NLRP8: variants seen among roughly 807,000 people sequenced by gnomAD.
The protein encoded by NLRP8 is NACHT, LRR and PYD domains-containing protein 8.
NLRP8 carries 86 observed loss-of-function variants against 88.7 expected under a neutral mutation model. The ratio of observed to expected loss-of-function variants is 0.97; its 90% confidence interval spans 0.81 to 1.16. The LOEUF (loss-of-function observed/expected upper bound fraction) is 1.16, where lower values mean the gene tolerates loss of function less well. NLRP8 is among the 50% of genes most tolerant of loss of function. The pLI, the probability that NLRP8 is intolerant of heterozygous loss-of-function variation, is 0.00. For synonymous variants in NLRP8, 504 were observed against 494.6 expected, an observed-to-expected ratio of 1.02 and a Z score of -0.25; for missense variants, 1,342 against 1,286.5, an observed-to-expected ratio of 1.04 and a Z score of -0.66.
chr19:55,966,771 G>A (rs888605556), intron 5 of NLRP8, among the ~76,000 whole-genome samples: 4 of 152,050 alleles, frequency 2.6e-5, no homozygotes, highest in African/African-American at 9.7e-5. Flanking sequence ...AGCCAAGATC[G>A]TGCCATTGCA....
rs746956539 is a variant in NLRP8, at chr19:55,966,387, T to C, written c.2381+7T>C. ...GCCGTCTGCAGTGTCTCAGGTGAGA[T>C]TTGAGAGGGGGGTTAGAGTGGGAAC... is the stretch of plus-strand genomic sequence containing the variant. On this transcript the variant is annotated splice_region_variant and intron_variant, in intron 5 of 9. Transcript: ENST00000291971. 4 of 1,612,426 alleles carry C rather than the reference T, an allele frequency of 2.5e-6. No individual in the cohort carries two copies. The highest frequency in any genetic ancestry group is 3.4e-6 in the Non-Finnish European group (4 of 1,179,008).
At chr19:55,974,307 C>G (rs185208977) in intron 7 of NLRP8, among the ~76,000 whole-genome samples, 11 of 151,830 alleles carry the variant, frequency 7.2e-5, no homozygotes, top group Admixed American at 3.3e-4. Flanking sequence ...GAATATTTAT[C>G]AGAGGCTTGG....
At chr19:55,954,088 C>A (rs1013932669) in intron 2 of NLRP8, among the ~76,000 whole-genome samples, 8 of 152,080 alleles carry the variant, frequency 5.3e-5, no homozygotes, top group Non-Finnish European at 1.0e-4. Context: ...CAGGTACAAG[C>A]CGCCACACCC....
chr19:55,954,466 T>G, intron 2 of NLRP8, 35 bp from the exon 3 acceptor site: 1 of 1,595,918 alleles, frequency 6.3e-7, no homozygotes, highest in South Asian at 1.1e-5. Flanking sequence ...CACTCTGATG[T>G]CATACCCTTT....
In NLRP8 at chr19:55,955,924, A is replaced by G. The variant is rs1223510235; in HGVS notation, c.1866A>G (p.Val622=). ...ATGAAATCCGGGAGGAAGCCTTTGT[A>G]AGCCAAGCCCTAAATGATTATCATA... Residue 622 remains valine (V), a synonymous_variant, in exon 3 of 10, where the codon GTA becomes GTG. Coordinates refer to ENST00000291971, the MANE Select transcript of NLRP8 (RefSeq NM_176811.2). 1.2e-6 allele frequency: 2 copies of G among 1,614,182 alleles called. No homozygotes were observed. Among genetic ancestry groups the G allele is most frequent in the Non-Finnish European group, 8.5e-7 (1 of 1,180,030 alleles).
At position 55,970,658 on chromosome 19, in the gene NLRP8, G is replaced by A. The variant is rs377079240; in HGVS notation, c.2496G>A (p.Gly832=). ...GAAAAAACTCCCTGGAGAACTGTGG[G>A]GCGTATTACCTGTCTGTGGCCCAGC... The change falls in exon 6 of 10, where the codon GGG becomes GGA. Residue 832 remains glycine, a synonymous_variant. Transcript: ENST00000291971. The A allele has an allele frequency of 1.4e-4, 220 of 1,613,944 alleles. No individual in the cohort carries two copies. Among genetic ancestry groups the A allele is most frequent in the Non-Finnish European group, 1.8e-4 (209 of 1,180,012 alleles).
At chr19:55,958,420 C>T (rs772863271) in intron 3 of NLRP8, among the ~76,000 whole-genome samples, 13 of 152,192 alleles carry the variant, frequency 8.5e-5, no homozygotes, top group South Asian at 6.2e-4. Flanking sequence ...TTCCATTCTT[C>T]ACCATGACAA....
At chr19:55,974,330 A>G (rs1161568565) in intron 7 of NLRP8, among the ~76,000 whole-genome samples, 4 of 147,766 alleles carry the variant, frequency 2.7e-5, no homozygotes, top group Non-Finnish European at 4.5e-5. Context: ...TGCTTCTGTG[A>G]CTCTTGGTTG....
intron 3 of NLRP8, 90 bp downstream of exon 3, chr19:55,956,190 C>T (rs1053554477): frequency 7.9e-7 from 1 of 1,272,174 alleles, no homozygotes; most frequent in African/African-American, 1.5e-5. Context: ...AATCTGCAAA[C>T]CTTTCTGATC....
chr19:55,956,021 T>C lies in NLRP8; in HGVS notation c.1963T>C (p.Leu655=), dbSNP rs1979341895. The C allele has an allele frequency of 1.2e-6, 2 of 1,614,052 alleles. No individual in the cohort carries two copies. Among genetic ancestry groups the C allele is most frequent in the Non-Finnish European group, 1.7e-6 (2 of 1,180,032 alleles). ...TTTTTGCCTGAAGCGGTGTCAATAT[T>C]TGCATGAGGTGGAACTGACCGTCAC... Residue 655 remains leucine, a synonymous_variant, in exon 3 of 10, where the codon TTG becomes CTG. Coordinates refer to ENST00000291971, the MANE Select transcript of NLRP8 (RefSeq NM_176811.2).
chr19:55,986,463 CTCTCTCACAT>C (rs879297074), intron 9 of NLRP8, among the ~76,000 whole-genome samples: 3,406 of 52,118 alleles, frequency 0.065, 71 homozygotes, highest in Non-Finnish European at 0.085. Context: ...CACACACACA[CTCTCTCACAT>C]ACACACACAC....
In NLRP8 at chr19:55,954,961, C is replaced by T. The variant is rs774857045; in HGVS notation, c.903C>T (p.Asp301=). Residue 301 remains aspartate, a synonymous_variant, in exon 3 of 10, where the codon GAC becomes GAT. Coordinates refer to ENST00000291971, the MANE Select transcript of NLRP8 (RefSeq NM_176811.2). ...CTACCCTCATTGACAGACTGGAGGA[C>T]CTGAGTGAAGACTGGAGGCAGAAAT... 6.2e-7 allele frequency: 1 copy of T among 1,614,004 alleles called. No individual in the cohort carries two copies. Among genetic ancestry groups the T allele is most frequent in the Admixed American group, 1.7e-5 (1 of 59,990 alleles).
chr19:55,981,784 T>C (rs1055156353), intron 9 of NLRP8, among the ~76,000 whole-genome samples: 7 of 152,230 alleles, frequency 4.6e-5, no homozygotes, highest in South Asian at 2.1e-4. Flanking sequence ...TTAAATTAGT[T>C]ATGGCAGCAT....
intron 4 of NLRP8, among the ~76,000 whole-genome samples, chr19:55,965,113 C>G (rs1419753518): frequency 6.6e-6 from 1 of 151,776 alleles, no homozygotes; most frequent in Non-Finnish European, 1.5e-5. Flanking sequence ...TAGTGAGACC[C>G]CATATCTACA....
chr19:55,980,365 AG>A (rs1291557366), intron 9 of NLRP8, among the ~76,000 whole-genome samples: 1 of 152,166 alleles, frequency 6.6e-6, no homozygotes, highest in Non-Finnish European at 1.5e-5. Context: ...CTGGTGTATG[AG>A]TTGTCTATTG....
At position 55,976,348 on chromosome 19, in the gene NLRP8, T is replaced by C. The variant is rs777310909; in HGVS notation, c.2876+45T>C. On this transcript the variant is annotated intron_variant, in intron 8 of 9. Transcript: ENST00000291971. ...CTCCTGTGAGACCAGGAGAATTGTA[T>C]ATAAGCGTCTCTCAGGATGGAATAT... 3 of 1,478,080 alleles carry C rather than the reference T, an allele frequency of 2.0e-6. No individual in the cohort carries two copies. The African/African-American group carries it at 4.3e-5, about 21-fold the overall frequency. The allele number at this position is 1,478,080 out of a possible 1,614,324, so 91.6% of individuals were successfully genotyped here.
Position 55,988,546 on chromosome 19 carries a change from T to G in NLRP8, c.*633T>G, listed in dbSNP as rs762320329. The G allele has an allele frequency of 6.6e-6, 1 of 150,840 alleles. No homozygotes were observed. The allele number at this position is 150,840 out of a possible 1,614,324, so 9.3% of individuals were successfully genotyped here. A position where few individuals can be genotyped will look rare whatever the true frequency, so the allele number is the denominator to read the frequency against. On this transcript the variant is annotated 3_prime_UTR_variant, in exon 10 of 10. Transcript: ENST00000291971. The stretch of plus-strand genomic sequence containing the variant: ...ACAAAGTCTTCATCGTCTTCTTGCT[T>G]CTTCTACCTTTATTTATTCTCAGCT...
chr19:55,973,240 G>A (rs1980158008), intron 6 of NLRP8, among the ~76,000 whole-genome samples: 1 of 152,098 alleles, frequency 6.6e-6, no homozygotes, highest in Admixed American at 6.5e-5. Context: ...TTGGCCATTT[G>A]TGTATCTTTT....
In NLRP8 at chr19:55,948,272, G is replaced by A. The variant is rs1290970806; in HGVS notation, c.367+3G>A. 2 of 1,608,964 alleles carry A rather than the reference G, an allele frequency of 1.2e-6. No homozygotes were observed. Among genetic ancestry groups the A allele is most frequent in the Non-Finnish European group, 1.7e-6 (2 of 1,176,358 alleles). On this transcript the variant is annotated splice_donor_region_variant and intron_variant, in intron 1 of 9. Transcript: ENST00000291971. ...TGTAGTCCGCAGAGAGATAAATGGTGAGTGTTGATCTGGTGGATAAAGTGG... is the reference window on the plus strand; with the variant it reads ...TGTAGTCCGCAGAGAGATAAATGGTAAGTGTTGATCTGGTGGATAAAGTGG...
Sources: gnomAD v4.1 joint callset for allele counts (sites outside exome capture counted in the v4.1 genomes callset) on GRCh38, gnomAD v4.1.1 for gene constraint, MANE v1.5 for transcripts, NCBI Gene and HGNC (gene_info 2026-07-23, HGNC 2026-07-21) for gene names.